Variants in ADAM9 observed in about 807,000 individuals in gnomAD.
ADAM9 encodes ADAM metallopeptidase domain 9.
Under a neutral mutation model 108.1 loss-of-function variants are expected in ADAM9, and 54 were observed. The ratio of observed to expected loss-of-function variants is 0.50; its 90% confidence interval spans 0.40 to 0.63. The LOEUF is 0.63. Among genes scored for constraint, ADAM9 ranks in the 20% least tolerant of loss-of-function variants. The probability of loss-of-function intolerance (pLI) is 0.00; values close to 1 mark genes in which losing one functional copy is unlikely to be tolerated. For synonymous variants in ADAM9, 316 were observed against 336.0 expected, an observed-to-expected ratio of 0.94 and a Z score of 0.65; for missense variants, 830 against 997.7, an observed-to-expected ratio of 0.83 and a Z score of 2.26.
intron 8 of ADAM9, among the ~76,000 whole-genome samples, chr8:39,022,061 T>C (rs1349766452): frequency 6.9e-6 from 1 of 144,264 alleles, no homozygotes; most frequent in East Asian, 1.9e-4. Context: ...GATATGACAA[T>C]ATTTGTGTGT....
rs1344136291 is a variant in ADAM9, at chr8:39,104,809, AT to A, written c.*1114del. On this transcript the variant is annotated 3_prime_UTR_variant, in exon 22 of 22. Transcript: ENST00000487273. ...ATCATCTTAGCTGTGTTAAAAATGA[AT>A]TTTTACTATGGCAGATATGGTATGG... 2.2e-6 allele frequency: 1 copy of A among 453,618 alleles called. No homozygotes were observed. Among genetic ancestry groups the A allele is most frequent in the Non-Finnish European group, 4.4e-6 (1 of 226,614 alleles). 28.1% of individuals were successfully genotyped at this position (453,618 alleles called of 1,614,324 possible).
At chr8:39,067,892 G>C (rs1017700862) in intron 14 of ADAM9, among the ~76,000 whole-genome samples, 2 of 151,984 alleles carry the variant, frequency 1.3e-5, no homozygotes, top group African/African-American at 4.8e-5. Flanking sequence ...TGTCATAAAT[G>C]GCTCTTATTA....
At chr8:39,000,213 CGACCTCCT>C (rs112642121) in intron 1 of ADAM9, among the ~76,000 whole-genome samples, 237 of 152,116 alleles carry the variant, frequency 1.6e-3, no homozygotes, top group African/African-American at 5.5e-3. Flanking sequence ...AGGATGGTCT[CGACCTCCT>C]GACCTCGTGA....
At position 39,083,139 on chromosome 8, in the gene ADAM9, G is replaced by T; in HGVS notation, c.2068+66G>T. 9 of 1,184,860 alleles carry T rather than the reference G, an allele frequency of 7.6e-6. No individual in the cohort carries two copies. The South Asian group carries it at 8.7e-5, about 11-fold the overall frequency. 73.4% of individuals were successfully genotyped at this position (1,184,860 alleles called of 1,614,324 possible). A position where few individuals can be genotyped will look rare whatever the true frequency, so the allele number is the denominator to read the frequency against. On this transcript the variant is annotated intron_variant, in intron 18 of 21. Transcript: ENST00000487273. ...CCCAAGGCATAAATTGGGCATCCTC[G>T]TACCTCTCCCTCACTTCCCACATCA...
chr8:39,104,511 A>C lies in ADAM9; in HGVS notation c.*811A>C, dbSNP rs915163124. On this transcript the variant is annotated 3_prime_UTR_variant, in exon 22 of 22. Transcript: ENST00000487273. Reference sequence around the variant, plus strand: ...AAGTATTTAATAGATCTAATCAAATATGTTGATTCATGGCTATAATAAAGC... The same window carrying C: ...AAGTATTTAATAGATCTAATCAAATCTGTTGATTCATGGCTATAATAAAGC... The C allele has an allele frequency of 5.2e-6, 2 of 381,782 alleles. No individual in the cohort carries two copies. Among genetic ancestry groups the C allele is most frequent in the Non-Finnish European group, 1.0e-5 (2 of 198,006 alleles). The allele number at this position is 381,782 out of a possible 1,614,324, so 23.6% of individuals were successfully genotyped here. A position where few individuals can be genotyped will look rare whatever the true frequency, so the allele number is the denominator to read the frequency against.
At chr8:39,071,465 CTTT>C (rs34398586) in intron 15 of ADAM9, 62 bp downstream of exon 15, 11,696 of 576,644 alleles carry the variant, frequency 0.02, no homozygotes, top group East Asian at 0.037. Flanking sequence ...TCTCTAGTAT[CTTT>C]TTTTTTTTTT....
intron 16 of ADAM9, among the ~76,000 whole-genome samples, chr8:39,081,155 G>T (rs554669473): frequency 2.6e-5 from 4 of 151,846 alleles, no homozygotes; most frequent in Non-Finnish European, 5.9e-5. Flanking sequence ...CACCATGTTG[G>T]CCAGGCTGGT....
intron 15 of ADAM9, among the ~76,000 whole-genome samples, chr8:39,072,221 A>G (rs1838717002): frequency 6.6e-6 from 1 of 152,222 alleles, no homozygotes; most frequent in African/African-American, 2.4e-5. Flanking sequence ...TATGTTCACT[A>G]ATATCAGTGA....
intron 12 of ADAM9, among the ~76,000 whole-genome samples, 178 bp from the exon 13 acceptor site, chr8:39,054,303 T>C (rs1189729339): frequency 1.3e-5 from 2 of 152,162 alleles, no homozygotes; most frequent in African/African-American, 4.8e-5. Flanking sequence ...TGTTGAGACT[T>C]ATACTTGCAG....
At chr8:39,017,912 G>C (rs1477432989) in intron 6 of ADAM9, among the ~76,000 whole-genome samples, 2 of 152,196 alleles carry the variant, frequency 1.3e-5, no homozygotes, top group African/African-American at 4.8e-5. Context: ...TTTTATTTAG[G>C]TACCTCTTAG....
intron 11 of ADAM9, among the ~76,000 whole-genome samples, chr8:39,027,021 G>A (rs1170993265): frequency 6.7e-6 from 1 of 150,178 alleles, no homozygotes; most frequent in African/African-American, 2.5e-5. Context: ...GTTACCTGAT[G>A]TATTGCTGAA....
In ADAM9 at chr8:38,996,994, T is replaced by C. The variant is rs747250250; in HGVS notation, c.-70T>C. 62 of 1,556,600 alleles carry C rather than the reference T, an allele frequency of 4.0e-5. No individual in the cohort carries two copies. In the Admixed American group the frequency reaches 1.1e-3, roughly 28 times the overall value. Reference sequence around the variant, plus strand: ...GGCCAGACTTGGGGCCCCGGCAGGGTTGGAAAATGATGGAAGAGGCGGAGG... The same window carrying C: ...GGCCAGACTTGGGGCCCCGGCAGGGCTGGAAAATGATGGAAGAGGCGGAGG... On this transcript the variant is annotated 5_prime_UTR_variant, in exon 1 of 22. Coordinates refer to ENST00000487273, the MANE Select transcript of ADAM9 (RefSeq NM_003816.3).
intron 15 of ADAM9, among the ~76,000 whole-genome samples, chr8:39,072,916 G>A (rs1051970509): frequency 6.6e-6 from 1 of 152,080 alleles, no homozygotes; most frequent in South Asian, 2.1e-4. Context: ...TAATTCCCGA[G>A]TAGTTGGGAA....
chr8:39,016,289 A>G lies in ADAM9; in HGVS notation c.410+95A>G, dbSNP rs1164788387. 42 of 1,128,936 alleles carry G rather than the reference A, an allele frequency of 3.7e-5. 1 individual carries two copies. In the Admixed American group the frequency reaches 7.2e-4, roughly 19 times the overall value. The allele number at this position is 1,128,936 out of a possible 1,614,324, so 69.9% of individuals were successfully genotyped here. A position where few individuals can be genotyped will look rare whatever the true frequency, so the allele number is the denominator to read the frequency against. ...CCAAATTAAATCATTTTGGGCACTTAGCAAAATTGGAATTTACTTTGATGT... is the reference window on the plus strand; with the variant it reads ...CCAAATTAAATCATTTTGGGCACTTGGCAAAATTGGAATTTACTTTGATGT... On this transcript the variant is annotated intron_variant, in intron 5 of 21. Coordinates refer to ENST00000487273, the MANE Select transcript of ADAM9 (RefSeq NM_003816.3).
At chr8:39,055,463 A>C (rs1341379052) in intron 13 of ADAM9, 114 bp from the exon 14 acceptor site, 4 of 1,060,790 alleles carry the variant, frequency 3.8e-6, no homozygotes, top group Non-Finnish European at 4.3e-6. Context: ...TGGGTTATTT[A>C]ATCTTTTGCT....
At chr8:39,039,895 A>G (rs1325139063) in intron 11 of ADAM9, among the ~76,000 whole-genome samples, 2 of 152,190 alleles carry the variant, frequency 1.3e-5, no homozygotes, top group African/African-American at 4.8e-5. Context: ...TATACCCAAA[A>G]GTGAGATTGC....
intron 20 of ADAM9, among the ~76,000 whole-genome samples, chr8:39,095,427 T>G (rs1185065920): frequency 6.6e-6 from 1 of 152,214 alleles, no homozygotes; most frequent in Non-Finnish European, 1.5e-5. Context: ...TGTTTAATTT[T>G]CATGTATTTG....
At position 39,105,104 on chromosome 8, in the gene ADAM9, TCTCA is replaced by T. The variant is rs1347800053; in HGVS notation, c.*1407_*1410del. ...TCTAGTCAAATTTTTACAGATATTA[TCTCA>T]CTAATTTTCAGACTTTTGCCAAAGT... On this transcript the variant is annotated 3_prime_UTR_variant, in exon 22 of 22. Coordinates refer to ENST00000487273, the MANE Select transcript of ADAM9 (RefSeq NM_003816.3). 7.4e-6 allele frequency: 3 copies of T among 407,202 alleles called. No homozygotes were observed. Among genetic ancestry groups the T allele is most frequent in the South Asian group, 3.7e-5 (2 of 54,164 alleles). The allele number at this position is 407,202 out of a possible 1,614,324, so 25.2% of individuals were successfully genotyped here.
At chr8:39,009,647 G>A (rs902815109) in intron 2 of ADAM9, among the ~76,000 whole-genome samples, 1 of 152,128 alleles carries the variant, frequency 6.6e-6, no homozygotes, top group Admixed American at 6.5e-5. Flanking sequence ...ACTTGGGATC[G>A]TCATAGATAA....
Sources: allele counts gnomAD v4.1 joint callset (sites outside exome capture counted in the v4.1 genomes callset), GRCh38; gene constraint gnomAD v4.1.1; transcripts MANE v1.5; gene names NCBI Gene and HGNC (gene_info 2026-07-23, HGNC 2026-07-21).